Variants in RBFOX1 observed in about 807,000 individuals in gnomAD.
RBFOX1 encodes RNA binding fox-1 homolog 1.
A neutral mutation model predicts 57.7 loss-of-function variants in RBFOX1; 8 were observed. That is an observed-to-expected ratio of 0.14 (90% CI 0.08 to 0.25). RBFOX1 has a LOEUF of 0.25. Ranked by LOEUF, RBFOX1 falls within the 10% of genes least tolerant of loss-of-function variation. The pLI is 1.00. For synonymous variants in RBFOX1, 326 were observed against 222.4 expected (o/e 1.47, Z -4.15); for missense variants, 611 against 548.5 (o/e 1.11, Z -1.14).
intron 2 of RBFOX1, among the ~76,000 whole-genome samples, chr16:6,414,732 C>T (rs1485635348): frequency 6.6e-6 from 1 of 152,160 alleles, no homozygotes; most frequent in Non-Finnish European, 1.5e-5. Flanking sequence ...TCTTCAAAAC[C>T]ACTCTACAAA....
chr16:5,976,913 G>C (rs563008244), intron 4 of RBFOX1, among the ~76,000 whole-genome samples: 1 of 152,170 alleles, frequency 6.6e-6, no homozygotes, highest in East Asian at 1.9e-4. Context: ...AAGCAAATTA[G>C]ATGTGGAACA....
intron 1 of RBFOX1, among the ~76,000 whole-genome samples, chr16:5,424,964 C>CTTTTTT (rs1349204929): frequency 4.3e-5 from 2 of 46,258 alleles, no homozygotes; most frequent in East Asian, 5.7e-4. Context: ...TTGTTTCTTT[C>CTTTTTT]TCTTTCTTTC....
chr16:7,707,367 C>G (rs552781363), intron 14 of RBFOX1, among the ~76,000 whole-genome samples: 2 of 152,096 alleles, frequency 1.3e-5, no homozygotes, highest in South Asian at 2.1e-4. Flanking sequence ...TATCTACCAA[C>G]CATGAGAAAG....
intron 2 of RBFOX1, among the ~76,000 whole-genome samples, chr16:6,448,954 C>T (rs192371640): frequency 7.9e-5 from 12 of 152,228 alleles, no homozygotes; most frequent in Non-Finnish European, 1.3e-4. Context: ...CATACATTTT[C>T]GTAAACTAAT....
intron 2 of RBFOX1, among the ~76,000 whole-genome samples, chr16:6,525,804 T>C (rs956869568): frequency 1.3e-5 from 2 of 152,010 alleles, no homozygotes; most frequent in African/African-American, 2.4e-5. Flanking sequence ...TCATGAGAGC[T>C]TTTCTCCCAT....
At chr16:6,882,021 C>G (rs1259162763) in intron 3 of RBFOX1, among the ~76,000 whole-genome samples, 1 of 152,148 alleles carries the variant, frequency 6.6e-6, no homozygotes, top group Admixed American at 6.5e-5. Flanking sequence ...TCACCAAAGA[C>G]TCTAGACTTC....
At chr16:6,634,159 G>A (rs921447314) in intron 2 of RBFOX1, among the ~76,000 whole-genome samples, 4 of 152,130 alleles carry the variant, frequency 2.6e-5, no homozygotes, top group African/African-American at 9.7e-5. Flanking sequence ...ATTCATGGAG[G>A]TTCAGAATGG....
chr16:6,439,306 C>A (rs2094316530), intron 2 of RBFOX1, among the ~76,000 whole-genome samples: 1 of 152,182 alleles, frequency 6.6e-6, no homozygotes, highest in Admixed American at 6.5e-5. Context: ...ACACCATCCA[C>A]CCATGTTAAT....
intron 1 of RBFOX1, among the ~76,000 whole-genome samples, chr16:6,177,499 A>G (rs1000390708): frequency 3.0e-4 from 45 of 152,254 alleles, no homozygotes; most frequent in African/African-American, 9.9e-4. Flanking sequence ...ATACTGTTTC[A>G]TAACAAATAT....
At chr16:6,900,528 C>G (rs927218908) in intron 3 of RBFOX1, among the ~76,000 whole-genome samples, 26 of 152,324 alleles carry the variant, frequency 1.7e-4, no homozygotes, top group Admixed American at 5.2e-4. Context: ...CTGCCCTTCT[C>G]TCAACACTCA....
chr16:7,039,249 A>G (rs1268627345), intron 3 of RBFOX1, among the ~76,000 whole-genome samples: 1 of 152,190 alleles, frequency 6.6e-6, no homozygotes, highest in East Asian at 1.9e-4. Flanking sequence ...CAACAAATCC[A>G]TTATTATTTT....
chr16:6,485,840 C>T (rs575138054), intron 2 of RBFOX1, among the ~76,000 whole-genome samples: 1 of 152,054 alleles, frequency 6.6e-6, no homozygotes, highest in Non-Finnish European at 1.5e-5. Flanking sequence ...TTTCCTATCA[C>T]TTGTCTTAAT....
rs572025413 is a variant in RBFOX1 at position 7,403,217 on chromosome 16, C to G, written c.28-114930C>G. Reference sequence around the variant, plus strand: ...AATCCAGTGAAGGTATCTATCAGCTCAGAGTTCCGTTTTTTGGTGAGATCA... The same window carrying G: ...AATCCAGTGAAGGTATCTATCAGCTGAGAGTTCCGTTTTTTGGTGAGATCA... On this transcript the variant is annotated intron_variant, in intron 4 of 15. Transcript: ENST00000550418. Among the ~76,000 whole-genome samples the G allele has an allele frequency of 3.9e-5, 6 of 152,278 alleles. No individual in the cohort carries two copies. In the South Asian group the frequency reaches 1.2e-3, roughly 32 times the overall value.
chr16:5,645,319 C>T (rs1267694538), intron 3 of RBFOX1, among the ~76,000 whole-genome samples: 1 of 151,174 alleles, frequency 6.6e-6, no homozygotes, highest in Non-Finnish European at 1.5e-5. Flanking sequence ...ACACAAAAGG[C>T]CACATATTGT....
At chr16:6,418,777 C>T (rs1332996473) in intron 2 of RBFOX1, among the ~76,000 whole-genome samples, 1 of 152,132 alleles carries the variant, frequency 6.6e-6, no homozygotes, top group Non-Finnish European at 1.5e-5. Context: ...AGTCCCCCTG[C>T]CTTGGCCTCC....
At chr16:7,234,211 G>C (rs984062038) in intron 4 of RBFOX1, among the ~76,000 whole-genome samples, 2 of 152,042 alleles carry the variant, frequency 1.3e-5, no homozygotes, top group Non-Finnish European at 2.9e-5. Context: ...GGGACAGTGA[G>C]GGCTCACATG....
At chr16:7,000,170 A>G (rs976946386) in intron 3 of RBFOX1, among the ~76,000 whole-genome samples, 3 of 150,550 alleles carry the variant, frequency 2.0e-5, no homozygotes, top group African/African-American at 4.9e-5. Context: ...ATTCTTAAGG[A>G]AAAAAAAAGT....
In RBFOX1 at chr16:7,522,497, G is replaced by T. The variant is rs143581219; in HGVS notation, c.270+4108G>T. Among the ~76,000 whole-genome samples the T allele has an allele frequency of 3.3e-3, 502 of 152,324 alleles. 3 individuals carry two copies. The highest frequency in any genetic ancestry group is 0.01 in the African/African-American group (432 of 41,562). On this transcript the variant is annotated intron_variant, in intron 5 of 15. Coordinates refer to ENST00000550418, the MANE Select transcript of RBFOX1 (RefSeq NM_018723.4). Reference sequence around the variant, plus strand: ...ACAATAGTTTTGCTAGAGTAGTGGAGAGAGATGCAGAAGGGACAAGAGTTG... The same window carrying T: ...ACAATAGTTTTGCTAGAGTAGTGGATAGAGATGCAGAAGGGACAAGAGTTG...
chr16:7,105,200 G>T (rs1038569498), intron 4 of RBFOX1, among the ~76,000 whole-genome samples: 2 of 151,806 alleles, frequency 1.3e-5, no homozygotes, highest in African/African-American at 4.8e-5. Flanking sequence ...TGGCTTGGCA[G>T]TAGTCTATGG....
Sources: allele counts gnomAD v4.1 joint callset (sites outside exome capture counted in the v4.1 genomes callset), GRCh38; gene constraint gnomAD v4.1.1; transcripts MANE v1.5; gene names NCBI Gene and HGNC (gene_info 2026-07-23, HGNC 2026-07-21).